ATP8B4: variants seen among roughly 807,000 people sequenced by gnomAD.
ATP8B4 encodes ATPase phospholipid transporting 8B4 (putative).
A neutral mutation model predicts 145.6 loss-of-function variants in ATP8B4; 133 were observed. That is an observed-to-expected ratio of 0.91 (90% CI 0.79 to 1.05). ATP8B4 has a LOEUF of 1.05. ATP8B4 is among the 50% of genes least tolerant of loss of function. The probability of loss-of-function intolerance (pLI) is 0.00; values close to 1 mark genes in which losing one functional copy is unlikely to be tolerated. For missense variants in ATP8B4, 1,458 were observed against 1,425.2 expected, an observed-to-expected ratio of 1.02 and a Z score of -0.37; for synonymous variants, 507 against 492.9, an observed-to-expected ratio of 1.03 and a Z score of -0.38.
Position 49,890,851 on chromosome 15 carries a change from T to C in ATP8B4, c.2697+6441A>G, listed in dbSNP as rs766585222. ...CAGCCAGTCTTCAATACCGCGAACA[T>C]GCCAGGCCACTCCCATGTGGGGTGT... On this transcript the variant is annotated intron_variant, in intron 23 of 27. Coordinates refer to ENST00000284509, the MANE Select transcript of ATP8B4 (RefSeq NM_024837.4). Among the ~76,000 whole-genome samples the C allele has an allele frequency of 5.3e-5, 8 of 152,146 alleles. No individual in the cohort carries two copies. In the East Asian group the frequency reaches 1.5e-3, roughly 29 times the overall value.
intron 9 of ATP8B4, among the ~76,000 whole-genome samples, chr15:49,990,155 A>C (rs993694394): frequency 2.0e-5 from 3 of 152,100 alleles, no homozygotes; most frequent in Admixed American, 6.6e-5. Context: ...TACTGAAAAA[A>C]GGTGAGAGCA....
intron 1 of ATP8B4, among the ~76,000 whole-genome samples, chr15:50,109,945 TCATATTCTTC>T (rs2056859559): frequency 1.3e-5 from 2 of 152,208 alleles, no homozygotes; most frequent in South Asian, 2.1e-4. Context: ...TAAAGCAATG[TCATATTCTTC>T]CATATTCTTC....
intron 19 of ATP8B4, 112 bp downstream of exon 19, chr15:49,918,727 G>A: frequency 1.3e-6 from 1 of 744,546 alleles, no homozygotes. Context: ...TCTTTCCTAT[G>A]TGGAAGATTG....
At chr15:50,041,642 T>C (rs1350417781) in intron 5 of ATP8B4, among the ~76,000 whole-genome samples, 1 of 152,154 alleles carries the variant, frequency 6.6e-6, no homozygotes, top group African/African-American at 2.4e-5. Flanking sequence ...ATGGATCCTA[T>C]GTGTTTGTTA....
intron 2 of ATP8B4, among the ~76,000 whole-genome samples, chr15:50,076,781 G>A (rs537808112): frequency 7.2e-5 from 11 of 152,234 alleles, no homozygotes; most frequent in African/African-American, 2.6e-4. Context: ...ATTAATTCTG[G>A]CAGAAAATTT....
Position 49,862,273 on chromosome 15 carries a change from A to C in ATP8B4, c.3269T>G (p.Val1090Gly), listed in dbSNP as rs1358838753. The C allele has an allele frequency of 1.2e-6, 2 of 1,613,664 alleles. No homozygotes were observed. Among genetic ancestry groups the C allele is most frequent in the Admixed American group, 3.3e-5 (2 of 60,004 alleles). The change falls in exon 27 of 28, where the codon GTG (valine) becomes GGG (glycine). Residue 1090 changes from valine (V) to glycine (G), a missense_variant. Coordinates refer to ENST00000284509, the MANE Select transcript of ATP8B4 (RefSeq NM_024837.4). The part of the protein sequence containing the change: ...MPVVAFRFLK[V>G]DLYPTLSDQI... ...ATCACTCAGGGTTGGGTATAAATCC[A>C]CCTTCAAAAATCTGAATGCCACCAC... is the stretch of plus-strand genomic sequence containing the variant.
At chr15:49,916,533 T>G (rs533009935) in intron 20 of ATP8B4, among the ~76,000 whole-genome samples, 1 of 152,180 alleles carries the variant, frequency 6.6e-6, no homozygotes, top group Non-Finnish European at 1.5e-5. Context: ...CCATATCCCA[T>G]TCCGTGTAGA....
chr15:50,073,124 C>T (rs1209149189), intron 3 of ATP8B4, among the ~76,000 whole-genome samples: 2 of 149,792 alleles, frequency 1.3e-5, no homozygotes, highest in Non-Finnish European at 1.5e-5. Context: ...TTCTGGGACA[C>T]GTGCAGAATG....
chr15:50,047,492 T>C, intron 3 of ATP8B4, 28 bp from the exon 4 acceptor site: 6 of 1,361,756 alleles, frequency 4.4e-6, no homozygotes, highest in South Asian at 2.3e-5. Context: ...TCATGTTAGT[T>C]TGGGGCAAGG....
chr15:49,890,149 G>A (rs1191477584), intron 23 of ATP8B4, among the ~76,000 whole-genome samples: 1 of 152,186 alleles, frequency 6.6e-6, no homozygotes, highest in East Asian at 1.9e-4. Flanking sequence ...TGTTCCTGGG[G>A]GGCCATCAGA....
intron 3 of ATP8B4, among the ~76,000 whole-genome samples, chr15:50,049,638 A>G (rs563905885): frequency 3.0e-4 from 46 of 152,288 alleles, no homozygotes; most frequent in Non-Finnish European, 5.7e-4. Flanking sequence ...TTATGGTAGA[A>G]CGATTTATTT....
Position 50,144,088 on chromosome 15 carries a change from G to T in ATP8B4, c.-42-37080C>A, listed in dbSNP as rs16963363. 4.1e-3 allele frequency among the ~76,000 whole-genome samples: 627 copies of T among 152,274 alleles called. 16 individuals are homozygous for T. In the East Asian group the frequency reaches 0.083, roughly 20 times the overall value. ...ATTCAGGTCCCTTTGTTTTACCAAA[G>T]GAAACATACTAGGTCAGGGTTGTGC... On this transcript the variant is annotated intron_variant, in intron 1 of 3. Coordinates refer to the ATP8B4 transcript ENST00000558829.
chr15:50,075,344 T>C (rs1423957707), intron 2 of ATP8B4, among the ~76,000 whole-genome samples: 1 of 152,172 alleles, frequency 6.6e-6, no homozygotes, highest in Admixed American at 6.5e-5. Flanking sequence ...GCACCATGAA[T>C]TGTAAGAACA....
intron 3 of ATP8B4, among the ~76,000 whole-genome samples, chr15:50,049,466 C>T (rs1312914257): frequency 1.3e-5 from 2 of 152,208 alleles, no homozygotes; most frequent in African/African-American, 4.8e-5. Flanking sequence ...CATGCTGCTG[C>T]AAAGGACATG....
chr15:50,021,333 C>T (rs1034662064), intron 6 of ATP8B4, among the ~76,000 whole-genome samples: 3 of 152,162 alleles, frequency 2.0e-5, no homozygotes, highest in African/African-American at 7.2e-5. Flanking sequence ...TTTTATTGTT[C>T]ATATAATTTT....
chr15:49,972,735 A>G lies in ATP8B4; in HGVS notation c.1090T>C (p.Tyr364His). The G allele has an allele frequency of 3.1e-6, 5 of 1,614,052 alleles. No homozygotes were observed. The highest frequency in any genetic ancestry group is 4.2e-6 in the Non-Finnish European group (5 of 1,179,990). Residue 364 changes from tyrosine to histidine, a missense_variant, in exon 13 of 28, where the codon TAT becomes CAT. Physicochemically the swap from Tyr to His is moderately conservative, Grantham distance 83. Transcript: ENST00000284509. The part of the protein sequence containing the change: ...SYFINWDRKM[Y>H]YSRKAIPAVA... ...GCAGGTATTGCTTTTCGAGAATAAT[A>G]CATCTTCCGGTCCCAGTTTATAAAA...
intron 14 of ATP8B4, among the ~76,000 whole-genome samples, chr15:49,952,401 C>A (rs1217341127): frequency 2.6e-5 from 4 of 152,024 alleles, no homozygotes; most frequent in Non-Finnish European, 4.4e-5. Flanking sequence ...ACTTTTCGTT[C>A]TTTTTTTCTC....
chr15:50,071,430 G>T (rs185071325), intron 3 of ATP8B4, among the ~76,000 whole-genome samples: 60 of 152,212 alleles, frequency 3.9e-4, no homozygotes, highest in Admixed American at 8.5e-4. Flanking sequence ...TTCCTTATAG[G>T]GTTACTACTC....
At chr15:49,989,037 G>A (rs1454423749) in intron 9 of ATP8B4, among the ~76,000 whole-genome samples, 7 of 152,168 alleles carry the variant, frequency 4.6e-5, no homozygotes, top group Non-Finnish European at 8.8e-5. Context: ...CTCACTGGCA[G>A]TTTCCCAGAC....
Sources: allele counts gnomAD v4.1 joint callset (sites outside exome capture counted in the v4.1 genomes callset), GRCh38; gene constraint gnomAD v4.1.1; transcripts MANE v1.5; gene names NCBI Gene and HGNC (gene_info 2026-07-23, HGNC 2026-07-21).